The following DGKD variants were observed in gnomAD, a reference collection of about 807,000 sequenced individuals.
DGKD encodes the protein DAG kinase delta.
A neutral mutation model predicts 154.4 loss-of-function variants in DGKD; 68 were observed. The ratio of observed to expected loss-of-function variants is 0.44; its 90% confidence interval spans 0.36 to 0.54. The LOEUF is 0.54. DGKD is among the 20% of genes least tolerant of loss of function. DGKD has a pLI of 0.00. For synonymous variants in DGKD, 693 were observed against 638.0 expected (o/e 1.09, Z -1.30); for missense variants, 1,343 against 1,593.6 (o/e 0.84, Z 2.68).
At chr2:233,414,833 G>A (rs1409070326) in intron 3 of DGKD, among the ~76,000 whole-genome samples, 2 of 152,182 alleles carry the variant, frequency 1.3e-5, no homozygotes, top group Non-Finnish European at 2.9e-5. Context: ...TGGGGAATGA[G>A]GCCATCTCTT....
At chr2:233,460,588 G>A (rs1169159961) in intron 24 of DGKD, among the ~76,000 whole-genome samples, 1 of 152,136 alleles carries the variant, frequency 6.6e-6, no homozygotes, top group Admixed American at 6.5e-5. Context: ...AGGACCACTC[G>A]TTTAAAACCT....
chr2:233,367,168 C>T (rs1434103149), intron 1 of DGKD, among the ~76,000 whole-genome samples: 1 of 151,856 alleles, frequency 6.6e-6, no homozygotes, highest in Non-Finnish European at 1.5e-5. Flanking sequence ...TCTTCCCGTT[C>T]CCTACCTGCC....
At chr2:233,382,257 A>G (rs2125421758) in intron 1 of DGKD, among the ~76,000 whole-genome samples, 1 of 152,332 alleles carries the variant, frequency 6.6e-6, no homozygotes, top group East Asian at 1.9e-4. Flanking sequence ...ACAAAGAGAT[A>G]TGCAAATTGA....
chr2:233,428,841 C>T (rs549303782), intron 3 of DGKD, among the ~76,000 whole-genome samples: 3 of 152,176 alleles, frequency 2.0e-5, no homozygotes, highest in African/African-American at 7.2e-5. Flanking sequence ...CAGGCTTCTT[C>T]ACAACAGAAC....
At chr2:233,424,916 G>A (rs765065267) in intron 3 of DGKD, among the ~76,000 whole-genome samples, 6 of 152,244 alleles carry the variant, frequency 3.9e-5, no homozygotes, top group South Asian at 2.1e-4. Flanking sequence ...GAGAAATCAC[G>A]TCTGCATGTC....
chr2:233,405,715 G>A (rs540660430), intron 3 of DGKD, among the ~76,000 whole-genome samples: 4 of 152,132 alleles, frequency 2.6e-5, no homozygotes, highest in East Asian at 1.9e-4. Context: ...TTAGACTTTC[G>A]AACTATGAGG....
intron 3 of DGKD, among the ~76,000 whole-genome samples, chr2:233,425,587 C>T: frequency 6.6e-6 from 1 of 152,224 alleles, no homozygotes; most frequent in Non-Finnish European, 1.5e-5. Context: ...CCCAGCCACT[C>T]AGAGGTCCTC....
chr2:233,442,111 TTGG>T (rs777042512), intron 10 of DGKD, 116 bp downstream of exon 10: 7 of 978,480 alleles, frequency 7.2e-6, no homozygotes, highest in Non-Finnish European at 1.1e-5. Context: ...CCAGAAACCA[TTGG>T]TGGTTTTGGG....
chr2:233,384,261 C>T (rs1575010770), intron 1 of DGKD, among the ~76,000 whole-genome samples: 1 of 152,174 alleles, frequency 6.6e-6, no homozygotes, highest in Non-Finnish European at 1.5e-5. Flanking sequence ...TTTATGACCT[C>T]GCTGCTGCAT....
rs1703519251 is a variant in DGKD at position 233,390,386 on chromosome 2, T to C, written c.268-17T>C. 1.2e-6 allele frequency: 2 copies of C among 1,611,008 alleles called. No individual in the cohort carries two copies. The highest frequency in any genetic ancestry group is 1.7e-6 in the Non-Finnish European group (2 of 1,177,344). ...CTGTCTTTATGTGCCTTAGTCCCTG[T>C]GTTTGTCTCTTTCTAGTCAATCATA... is the stretch of plus-strand genomic sequence containing the variant. On this transcript the variant is annotated splice_polypyrimidine_tract_variant and intron_variant, in intron 2 of 29. Coordinates refer to ENST00000264057, the MANE Select transcript of DGKD (RefSeq NM_152879.3).
chr2:233,391,853 C>T (rs1441786313), intron 3 of DGKD, among the ~76,000 whole-genome samples: 1 of 152,150 alleles, frequency 6.6e-6, no homozygotes, highest in Non-Finnish European at 1.5e-5. Flanking sequence ...TGTTGATTAA[C>T]TGCTCTTATT....
chr2:233,463,878 T>C (rs2063745996), intron 26 of DGKD: 1 of 418,392 alleles, frequency 2.4e-6, no homozygotes, highest in Non-Finnish European at 4.4e-6. Flanking sequence ...GGTGAATGGC[T>C]CCGACCCCAT....
At chr2:233,462,767 G>C (rs766343599) in intron 26 of DGKD, 32 bp downstream of exon 26, 1 of 1,590,760 alleles carries the variant, frequency 6.3e-7, no homozygotes, top group Non-Finnish European at 8.6e-7. Context: ...AGCAGGGCTC[G>C]GGCTGTGTGT....
intron 1 of DGKD, among the ~76,000 whole-genome samples, chr2:233,368,412 C>T (rs1032238521): frequency 6.6e-6 from 1 of 151,856 alleles, no homozygotes; most frequent in Non-Finnish European, 1.5e-5. Flanking sequence ...CTCCAGAGGC[C>T]GAGGCAGGAG....
chr2:233,390,577 A>G, intron 3 of DGKD, 94 bp downstream of exon 3: 3 of 881,492 alleles, frequency 3.4e-6, no homozygotes, highest in Non-Finnish European at 5.4e-6. Context: ...AAACGTTTTC[A>G]TTCTTTTCTT....
chr2:233,354,912 G>T lies in DGKD; in HGVS notation c.156+238G>T, dbSNP rs891360847. 1.4e-4 allele frequency among the ~76,000 whole-genome samples: 20 copies of T among 145,240 alleles called. No homozygotes were observed. The highest frequency in any genetic ancestry group is 5.0e-4 in the African/African-American group (20 of 40,264). ...GTGGGGCCGGGCGGGGGGCGCGCAG[G>T]TGGGCGCCCCGGGCGCCGCGCGCTG... On this transcript the variant is annotated intron_variant, in intron 1 of 29. Coordinates refer to ENST00000264057, the MANE Select transcript of DGKD (RefSeq NM_152879.3). This position sits in a 1 kb window ranked among gnomAD's most constrained non-coding sequence, Gnocchi z 4.8.
rs1387571346 is a variant in DGKD at position 233,388,286 on chromosome 2, A to G, written c.186A>G (p.Lys62=). The change falls in exon 2 of 30, where the codon AAA becomes AAG. Residue 62 remains lysine (K), a synonymous_variant. Transcript: ENST00000264057. Reference sequence around the variant, plus strand: ...TCATCAAAGAGGGGATGCTGACCAAACAGAACAATTCATTCCAGCGATCAA... The same window carrying G: ...TCATCAAAGAGGGGATGCTGACCAAGCAGAACAATTCATTCCAGCGATCAA... ...KTIIKEGMLT[K]QNNSFQRSKR... 2 of 1,614,062 alleles carry G rather than the reference A, an allele frequency of 1.2e-6. No individual in the cohort carries two copies. Among genetic ancestry groups the G allele is most frequent in the South Asian group, 2.2e-5 (2 of 91,050 alleles).
intron 24 of DGKD, among the ~76,000 whole-genome samples, 178 bp downstream of exon 24, chr2:233,460,523 T>C (rs1489379947): frequency 1.3e-5 from 2 of 152,218 alleles, no homozygotes; most frequent in Admixed American, 1.3e-4. Context: ...CCAGTGGTCT[T>C]TCAGAACTCG....
intron 18 of DGKD, among the ~76,000 whole-genome samples, chr2:233,453,297 C>T (rs1374400920): frequency 6.6e-6 from 1 of 152,210 alleles, no homozygotes; most frequent in Non-Finnish European, 1.5e-5. Flanking sequence ...TCCTCTCCCA[C>T]TGCCCCAGCC....
Sources: allele counts gnomAD v4.1 joint callset (sites outside exome capture counted in the v4.1 genomes callset), GRCh38; gene constraint gnomAD v4.1.1; non-coding constraint Gnocchi (gnomAD v3.1); transcripts MANE v1.5; gene names NCBI Gene and HGNC (gene_info 2026-07-23, HGNC 2026-07-21).